FER: variants seen among roughly 807,000 people sequenced by gnomAD.
The protein encoded by FER is FER tyrosine kinase.
A neutral mutation model predicts 111.0 loss-of-function variants in FER; 63 were observed. The ratio of observed to expected loss-of-function variants is 0.57; its 90% CI spans 0.46 to 0.70. The LOEUF (loss-of-function observed/expected upper bound fraction) is 0.70, where lower values mean the gene tolerates loss of function less well. Ranked by LOEUF, FER falls within the 30% of genes least tolerant of loss-of-function variation. The pLI is 0.00. For synonymous variants in FER, 327 were observed against 313.9 expected (o/e 1.04, Z -0.44); for missense variants, 914 against 954.0 (o/e 0.96, Z 0.55).
At chr5:108,951,121 T>C (rs1757678760) in intron 11 of FER, among the ~76,000 whole-genome samples, 1 of 151,632 alleles carries the variant, frequency 6.6e-6, no homozygotes, top group Admixed American at 6.6e-5. Flanking sequence ...GTACAAAAAA[T>C]TAACCAGGTG....
intron 13 of FER, among the ~76,000 whole-genome samples, chr5:109,024,876 A>T (rs1768460946): frequency 6.6e-6 from 1 of 151,226 alleles, no homozygotes; most frequent in African/African-American, 2.4e-5. Flanking sequence ...TTAAATAGGG[A>T]ATCCTTTCCC....
chr5:109,091,441 GC>G (rs1482471605), intron 16 of FER, among the ~76,000 whole-genome samples: 4 of 152,210 alleles, frequency 2.6e-5, no homozygotes, highest in African/African-American at 9.6e-5. Flanking sequence ...ATCTGTGAAA[GC>G]ATGGATGCCT....
chr5:109,002,154 C>T (rs541841789), intron 13 of FER, among the ~76,000 whole-genome samples: 309 of 151,184 alleles, frequency 2.0e-3, no homozygotes, highest in African/African-American at 7.0e-3. Context: ...AAAAAGAGCC[C>T]GCATTGCCAA....
In FER at chr5:108,872,301, A is replaced by G; in HGVS notation, c.923+89A>G. 6.2e-6 allele frequency: 8 copies of G among 1,293,522 alleles called. 1 individual carries two copies. In the South Asian group the frequency reaches 1.3e-4, roughly 21 times the overall value. 80.1% of individuals were successfully genotyped at this position (1,293,522 alleles called of 1,614,324 possible). A position where few individuals can be genotyped will look rare whatever the true frequency, so the allele number is the denominator to read the frequency against. On this transcript the variant is annotated intron_variant, in intron 8 of 19. Coordinates refer to ENST00000281092, the MANE Select transcript of FER (RefSeq NM_005246.4). ...CAGATTTAAAATATCAATTATTTTTACAAGTATTGAACAGTAAATTTTTGG... is the reference window on the plus strand; with the variant it reads ...CAGATTTAAAATATCAATTATTTTTGCAAGTATTGAACAGTAAATTTTTGG...
At chr5:108,822,760 T>G (rs1211479197) in intron 3 of FER, among the ~76,000 whole-genome samples, 2 of 96,156 alleles carry the variant, frequency 2.1e-5, no homozygotes, top group African/African-American at 1.2e-4. Flanking sequence ...TTTATTTTAT[T>G]TTATTTATTT....
rs187677482 is a variant in FER at position 108,905,125 on chromosome 5, A to G, written c.1236+7277A>G. Among the ~76,000 whole-genome samples, 5 of 152,282 alleles carry G rather than the reference A, an allele frequency of 3.3e-5. No individual in the cohort carries two copies. The South Asian group carries it at 6.2e-4, about 19-fold the overall frequency. ...GCTCATATAAATGAAGTCATTTCAT[A>G]TCACGTTAGCCAATGGATGATGCCA... On this transcript the variant is annotated intron_variant, in intron 10 of 19. Transcript: ENST00000281092.
chr5:109,046,208 C>T (rs568297091), intron 15 of FER, among the ~76,000 whole-genome samples: 296 of 152,196 alleles, frequency 1.9e-3, no homozygotes, highest in Middle Eastern at 0.01. Flanking sequence ...ACTTTTGTTT[C>T]TACCATTTTG....
intron 16 of FER, among the ~76,000 whole-genome samples, chr5:109,080,707 G>T (rs987489091): frequency 8.6e-5 from 13 of 152,012 alleles, no homozygotes; most frequent in African/African-American, 2.9e-4. Context: ...TAAATGATAG[G>T]AGCAAGGAAA....
intron 5 of FER, among the ~76,000 whole-genome samples, chr5:108,861,747 A>G (rs1433826953): frequency 1.3e-5 from 2 of 152,218 alleles, no homozygotes; most frequent in African/African-American, 4.8e-5. Flanking sequence ...GAATTGTATT[A>G]GGTTATTTTT....
chr5:108,818,839 A>G (rs1033839681), intron 3 of FER, among the ~76,000 whole-genome samples: 1 of 152,210 alleles, frequency 6.6e-6, no homozygotes, highest in African/African-American at 2.4e-5. Context: ...ATCTTGCCCT[A>G]CAAGGACTTC....
chr5:109,048,981 A>C (rs946798429), intron 16 of FER, among the ~76,000 whole-genome samples: 6 of 151,948 alleles, frequency 3.9e-5, no homozygotes, highest in Non-Finnish European at 7.4e-5. Context: ...TTATTTGTGG[A>C]TAGTTTGGTC....
At chr5:108,842,075 C>T (rs1328832791) in intron 5 of FER, among the ~76,000 whole-genome samples, 1 of 151,888 alleles carries the variant, frequency 6.6e-6, no homozygotes, top group Non-Finnish European at 1.5e-5. Context: ...TTTATTTTTG[C>T]ATTAAATGCA....
At chr5:108,786,316 C>T (rs1754709238) in intron 2 of FER, among the ~76,000 whole-genome samples, 1 of 152,146 alleles carries the variant, frequency 6.6e-6, no homozygotes, top group Non-Finnish European at 1.5e-5. Context: ...TCTATTCACT[C>T]TCTGCCTGCT....
rs140937668 is a variant in FER, at chr5:108,836,897, T to C, written c.481+1090T>C. On this transcript the variant is annotated intron_variant, in intron 5 of 19. Coordinates refer to ENST00000281092, the MANE Select transcript of FER (RefSeq NM_005246.4). The stretch of plus-strand genomic sequence containing the variant: ...CTCCACTTCTTACCCCAACATTTAC[T>C]TTGTGTCTCCTTCTCTCCCCGCTTC... Among the ~76,000 whole-genome samples the C allele has an allele frequency of 6.3e-3, 965 of 152,204 alleles. 6 individuals carry two copies. The highest frequency in any genetic ancestry group is 0.012 in the Non-Finnish European group (788 of 67,988).
intron 14 of FER, among the ~76,000 whole-genome samples, chr5:109,042,105 A>G (rs557736787): frequency 1.3e-5 from 2 of 152,274 alleles, no homozygotes; most frequent in East Asian, 1.9e-4. Context: ...TCGGAGATAG[A>G]TGAGAAAGAA....
intron 12 of FER, among the ~76,000 whole-genome samples, chr5:108,956,245 A>G (rs548982316): frequency 6.3e-4 from 95 of 151,790 alleles, no homozygotes; most frequent in Admixed American, 3.0e-3. Context: ...ACCCTATTAC[A>G]ATTTGCGACC....
chr5:108,806,819 G>A (rs775722870), intron 3 of FER, among the ~76,000 whole-genome samples: 5 of 152,108 alleles, frequency 3.3e-5, no homozygotes, highest in African/African-American at 4.8e-5. Context: ...GTTCATAGGC[G>A]GAAGGGACTT....
Position 108,879,701 on chromosome 5 carries a change from A to AAAATATATATAT in FER, c.924-3694_924-3693insAATATATATATA. Among the ~76,000 whole-genome samples the AAAATATATATAT allele has an allele frequency of 3.1e-4, 31 of 99,128 alleles. 1 individual carries two copies. Among genetic ancestry groups the AAAATATATATAT allele is most frequent in the African/African-American group, 1.3e-3 (28 of 20,878 alleles). The allele number at this position is 99,128 out of a possible 152,430, so 65.0% of individuals were successfully genotyped here. On this transcript the variant is annotated intron_variant, in intron 8 of 19. Coordinates refer to ENST00000281092, the MANE Select transcript of FER (RefSeq NM_005246.4). ...ATGTATTTTTTTTAGATTAAAAAAA[A>AAAATATATATAT]ATATATATATATATATATATATATT...
chr5:108,932,085 A>G (rs966079371), intron 10 of FER, among the ~76,000 whole-genome samples: 2 of 151,924 alleles, frequency 1.3e-5, no homozygotes, highest in Non-Finnish European at 2.9e-5. Context: ...AGGTTTGTAC[A>G]TAGGTATACA....
Sources: gnomAD v4.1 joint callset for allele counts (sites outside exome capture counted in the v4.1 genomes callset) on GRCh38, gnomAD v4.1.1 for gene constraint, MANE v1.5 for transcripts, NCBI Gene and HGNC (gene_info 2026-07-23, HGNC 2026-07-21) for gene names.